Variants in GRIA3 observed in about 807,000 individuals in gnomAD.
The protein encoded by GRIA3 is glutamate ionotropic receptor AMPA type subunit 3.
GRIA3 carries 3 observed loss-of-function variants against 63.0 expected under a neutral mutation model. That is an observed-to-expected ratio of 0.05 (90% CI 0.02 to 0.12). The LOEUF is 0.12. Among genes scored for constraint, GRIA3 ranks in the 10% least tolerant of loss-of-function variants. The pLI is 1.00. For missense variants in GRIA3, 347 were observed against 700.9 expected, an observed-to-expected ratio of 0.50 and a Z score of 5.70; for synonymous variants, 274 against 257.9, an observed-to-expected ratio of 1.06 and a Z score of -0.60.
At chrX:123,344,008 A>G (rs562892742) in intron 4 of GRIA3, among the ~76,000 whole-genome samples, 58 of 111,533 alleles carry the variant, frequency 5.2e-4, no homozygotes, top group Middle Eastern at 4.6e-3. Flanking sequence ...TAAGTGTCCT[A>G]GTTACTCTTA....
chrX:123,238,095 A>C (rs934153941), intron 2 of GRIA3, among the ~76,000 whole-genome samples: 1 of 112,190 alleles, frequency 8.9e-6, no homozygotes, highest in African/African-American at 3.2e-5. Flanking sequence ...GTTAAAGCAC[A>C]TAAGACCCAG....
chrX:123,389,695 TTGTTGTTGTTG>T (rs2045373883), intron 5 of GRIA3, among the ~76,000 whole-genome samples: 1 of 29,354 alleles, frequency 3.4e-5, no homozygotes, highest in South Asian at 8.9e-4. Flanking sequence ...GTTTTTGTTG[TTGTTGTTGTTG>T]TTGTTGTTGT....
chrX:123,199,893 C>A (rs140092757), intron 2 of GRIA3, among the ~76,000 whole-genome samples: 1,831 of 111,481 alleles, frequency 0.016, 39 homozygotes, highest in African/African-American at 0.057. Context: ...AGATCATAGA[C>A]CGTTGGAGCT....
At chrX:123,391,465 G>T (rs2045386452) in intron 5 of GRIA3, among the ~76,000 whole-genome samples, 1 of 111,583 alleles carries the variant, frequency 9.0e-6, no homozygotes, top group Non-Finnish European at 1.9e-5. Context: ...TGCAGTTGTT[G>T]GTGGAGGCTG....
intron 3 of GRIA3, among the ~76,000 whole-genome samples, chrX:123,272,834 T>C (rs1026472817): frequency 4.5e-5 from 5 of 111,906 alleles, no homozygotes; most frequent in African/African-American, 1.6e-4. Flanking sequence ...GTGGGATTTA[T>C]TTAAATGAGA....
At chrX:123,248,984 G>A (rs972875316) in intron 2 of GRIA3, among the ~76,000 whole-genome samples, 1 of 111,843 alleles carries the variant, frequency 8.9e-6, no homozygotes. Context: ...ACCCCTGGTA[G>A]AGCCATCTAT....
chrX:123,333,586 TA>T (rs1022541766), intron 4 of GRIA3, among the ~76,000 whole-genome samples: 3 of 112,077 alleles, frequency 2.7e-5, no homozygotes, highest in Non-Finnish European at 5.6e-5. Flanking sequence ...ACTAGGTATG[TA>T]AATGCTGATA....
At chrX:123,320,678 A>C (rs746778575) in intron 3 of GRIA3, among the ~76,000 whole-genome samples, 1 of 112,256 alleles carries the variant, frequency 8.9e-6, no homozygotes, top group Admixed American at 9.4e-5. Flanking sequence ...GCTATAAAGT[A>C]AGTTGGACAT....
At chrX:123,463,066 CA>C (rs2045801913) in intron 12 of GRIA3, among the ~76,000 whole-genome samples, 1 of 110,821 alleles carries the variant, frequency 9.0e-6, no homozygotes, top group African/African-American at 3.3e-5. Context: ...ATGCAAAATT[CA>C]AAAAGGTAAA....
At chrX:123,306,662 G>C (rs781658329) in intron 3 of GRIA3, among the ~76,000 whole-genome samples, 1 of 111,765 alleles carries the variant, frequency 8.9e-6, no homozygotes, top group Non-Finnish European at 1.9e-5. Flanking sequence ...AAAAGGCTCA[G>C]GGGAGGATGC....
At chrX:123,253,698 T>C (rs1206979645) in intron 3 of GRIA3, 156 bp downstream of exon 3, 1 of 525,519 alleles carries the variant, frequency 1.9e-6, no homozygotes, top group African/African-American at 2.4e-5. Context: ...GATTAAAAAA[T>C]AAAAGTAATA....
intron 5 of GRIA3, among the ~76,000 whole-genome samples, chrX:123,374,023 A>C (rs148795694): frequency 0.14 from 15,469 of 111,107 alleles, 1,022 homozygotes; most frequent in Non-Finnish European, 0.2. Flanking sequence ...ATCTCGAATT[A>C]ATTTTTGTAT....
At chrX:123,466,429 C>T (rs1357685478) in intron 13 of GRIA3, among the ~76,000 whole-genome samples, 1 of 111,840 alleles carries the variant, frequency 8.9e-6, no homozygotes, top group Non-Finnish European at 1.9e-5. Context: ...GCAAGTGCGT[C>T]GCCTAACTGT....
chrX:123,355,975 T>C (rs984611130), intron 5 of GRIA3, among the ~76,000 whole-genome samples: 1 of 112,202 alleles, frequency 8.9e-6, no homozygotes, highest in African/African-American at 3.2e-5. Flanking sequence ...TCAAATGTAG[T>C]GTGCATTTTT....
At chrX:123,258,313 G>C (rs1245842236) in intron 3 of GRIA3, among the ~76,000 whole-genome samples, 1 of 112,596 alleles carries the variant, frequency 8.9e-6, no homozygotes, top group East Asian at 2.8e-4. Flanking sequence ...AACTTGATGG[G>C]TTAGTGCATC....
At chrX:123,314,665 G>T (rs2044820096) in intron 3 of GRIA3, among the ~76,000 whole-genome samples, 1 of 111,727 alleles carries the variant, frequency 9.0e-6, no homozygotes, top group South Asian at 3.8e-4. Context: ...ACAGAGAGGA[G>T]AATGGAGCTA....
chrX:123,314,821 T>C (rs747077789), intron 3 of GRIA3, among the ~76,000 whole-genome samples: 1 of 112,197 alleles, frequency 8.9e-6, no homozygotes, highest in Non-Finnish European at 1.9e-5. Flanking sequence ...GAGTGAGCTA[T>C]TGGAGTACTT....
In GRIA3 at chrX:123,435,048, C is replaced by T. The variant is rs187255839; in HGVS notation, c.2076+6909C>T. Among the ~76,000 whole-genome samples, 114 of 112,330 alleles carry T rather than the reference C, an allele frequency of 1.0e-3. 1 individual carries two copies. The highest frequency in any genetic ancestry group is 3.6e-3 in the African/African-American group (111 of 30,980). ...AAATTCCTATCTTTTGCCAAATTAC[C>T]TGAAAATACCTAGACAGGCTTTTTC... On this transcript the variant is annotated intron_variant, in intron 12 of 15. Transcript: ENST00000620443.
At chrX:123,402,256 G>T (rs995434257) in intron 7 of GRIA3, among the ~76,000 whole-genome samples, 5 of 111,107 alleles carry the variant, frequency 4.5e-5, no homozygotes, top group Non-Finnish European at 7.5e-5. Context: ...TGTCACTGTA[G>T]TAGCTGGCAA....
Sources: allele counts gnomAD v4.1 joint callset (sites outside exome capture counted in the v4.1 genomes callset), GRCh38; gene constraint gnomAD v4.1.1; transcripts MANE v1.5; gene names NCBI Gene and HGNC (gene_info 2026-07-23, HGNC 2026-07-21).